LTC4S: variants seen among roughly 807,000 people sequenced by gnomAD.
LTC4S encodes leukotriene C4 synthase, also known as LTC4 synthase.
A neutral mutation model predicts 19.6 loss-of-function variants in LTC4S; 18 were observed. The ratio of observed to expected loss-of-function variants is 0.92; its 90% CI spans 0.64 to 1.36. LTC4S has a LOEUF of 1.36. LTC4S is among the 40% of genes most tolerant of loss of function. LTC4S has a pLI of 0.00. For synonymous variants in LTC4S, 126 were observed against 110.1 expected (o/e 1.14, Z -0.91); for missense variants, 235 against 212.2 (o/e 1.11, Z -0.67).
At chr5:179,795,752 C>G (rs779575455) in intron 2 of LTC4S, 34 bp from the exon 3 acceptor site, 1 of 1,569,090 alleles carries the variant, frequency 6.4e-7, no homozygotes, top group Admixed American at 1.8e-5. Context: ...AGGACCATCC[C>G]GGCCGGCGCG....
intron 1 of LTC4S, 139 bp from the exon 2 acceptor site, chr5:179,795,444 CG>C: frequency 9.3e-7 from 1 of 1,069,838 alleles, no homozygotes; most frequent in East Asian, 2.7e-5. Flanking sequence ...GAGGTCTCCT[CG>C]GGCGGGGAGG....
In LTC4S at chr5:179,796,179, C is replaced by G. The variant is rs976734540; in HGVS notation, c.312-74C>G. 20 of 1,301,378 alleles carry G rather than the reference C, an allele frequency of 1.5e-5. No homozygotes were observed. In the African/African-American group the frequency reaches 2.8e-4, roughly 18 times the overall value. The allele number at this position is 1,301,378 out of a possible 1,614,324, so 80.6% of individuals were successfully genotyped here. On this transcript the variant is annotated intron_variant, in intron 4 of 4. Transcript: ENST00000292596. ...GCCCTGGCGGCGGCCAGAGGAAGTC[C>G]CCGTGGGGCCAGGGTTGCGGCGGGG...
chr5:179,795,292 GCAGGTGTC>G lies in LTC4S; in HGVS notation c.59-290_59-283del, dbSNP rs1251954564. On this transcript the variant is annotated intron_variant, in intron 1 of 4. Transcript: ENST00000292596. ...GGACTCAAGTGGTCTCTCTCGCGGAGCAGGTGTCCCTGTGCCTGAATCACTCACCCTCC... is the reference window on the plus strand; with the variant it reads ...GGACTCAAGTGGTCTCTCTCGCGGAGCCTGTGCCTGAATCACTCACCCTCC... The G allele has an allele frequency of 1.5e-5, 15 of 1,032,722 alleles. No individual in the cohort carries two copies. In the African/African-American group the frequency reaches 2.2e-4, roughly 15 times the overall value. 64.0% of individuals were successfully genotyped at this position (1,032,722 alleles called of 1,614,324 possible).
At chr5:179,795,555 C>T (rs1221683205) in intron 1 of LTC4S, 29 bp from the exon 2 acceptor site, 1 of 1,591,144 alleles carries the variant, frequency 6.3e-7, no homozygotes, top group East Asian at 2.3e-5. Flanking sequence ...GGTGTCCAGA[C>T]CTGACTCCCG....
chr5:179,796,359 C>T lies in LTC4S; in HGVS notation c.418C>T (p.Leu140Phe), dbSNP rs776151785. The change falls in exon 5 of 5, where the codon CTC (leucine) becomes TTC (phenylalanine). Residue 140 changes from leucine to phenylalanine, a missense_variant. Transcript: ENST00000292596. ...CCCGGCCGCGCTGCGCGCCGCGCTC[C>T]TCGGACGGCTCCGGACGCTGCTGCC... is the stretch of plus-strand genomic sequence containing the variant. The part of the protein sequence containing the change: ...FLPAALRAAL[L>F]GRLRTLLPWA 6.0e-6 allele frequency: 9 copies of T among 1,493,506 alleles called. No homozygotes were observed. The highest frequency in any genetic ancestry group is 1.3e-5 in the South Asian group (1 of 79,764). The allele number at this position is 1,493,506 out of a possible 1,614,324, so 92.5% of individuals were successfully genotyped here.
chr5:179,796,091 G>T (rs975964779), intron 4 of LTC4S, 69 bp downstream of exon 4: 6 of 1,390,426 alleles, frequency 4.3e-6, no homozygotes, highest in Non-Finnish European at 4.7e-6. Context: ...CCTGGGGAGC[G>T]GGACCGAAGC....
intron 4 of LTC4S, 27 bp from the exon 5 acceptor site, chr5:179,796,226 C>A: frequency 1.4e-6 from 2 of 1,432,998 alleles, no homozygotes; most frequent in Non-Finnish European, 1.8e-6. Flanking sequence ...CTCCTCGCGC[C>A]ACCTCCCCGC....
intron 1 of LTC4S, among the ~76,000 whole-genome samples, chr5:179,795,030 A>T (rs1350727730): frequency 6.6e-6 from 1 of 152,074 alleles, no homozygotes; most frequent in Non-Finnish European, 1.5e-5. Context: ...AGAGAAACTG[A>T]GGTTTGGAGG....
In LTC4S at chr5:179,794,104, G is replaced by A. The variant is rs75759006; in HGVS notation, c.24G>A (p.Leu8=). Residue 8 remains leucine (L), a synonymous_variant, in exon 1 of 5, where the codon CTG becomes CTA. Transcript: ENST00000292596. ...CCATGAAGGACGAGGTAGCTCTACT[G>A]GCTGCTGTCACCCTCCTGGGAGTCC... MKDEVAL[L]AAVTLLGVLL... is the part of the protein sequence containing the mutation. The A allele has an allele frequency of 4.1e-3, 6,566 of 1,613,650 alleles. 18 individuals carry two copies. Among genetic ancestry groups the A allele is most frequent in the Non-Finnish European group, 4.6e-3 (5,413 of 1,179,986 alleles).
chr5:179,796,560 C>G lies in LTC4S; in HGVS notation c.*166C>G. The stretch of plus-strand genomic sequence containing the variant: ...CGCGGGGGTGGCGCACCGCGGGCTA[C>G]GGAGCCTGGAGGGGCCCAGCCCGAG... On this transcript the variant is annotated 3_prime_UTR_variant, in exon 5 of 5. Transcript: ENST00000292596. The G allele has an allele frequency of 8.8e-7, 1 of 1,142,420 alleles. No homozygotes were observed. The highest frequency in any genetic ancestry group is 1.1e-6 in the Non-Finnish European group (1 of 882,222). 70.8% of individuals were successfully genotyped at this position (1,142,420 alleles called of 1,614,324 possible).
rs1267250621 is a variant in LTC4S at position 179,796,564 on chromosome 5, GC to G, written c.*172del. On this transcript the variant is annotated 3_prime_UTR_variant, in exon 5 of 5. Transcript: ENST00000292596. ...GGGGTGGCGCACCGCGGGCTACGGA[GC>G]CTGGAGGGGCCCAGCCCGAGTCCGG... 8 of 1,066,814 alleles carry G rather than the reference GC, an allele frequency of 7.5e-6. No homozygotes were observed. The highest frequency in any genetic ancestry group is 1.7e-5 in the African/African-American group (1 of 59,548). The allele number at this position is 1,066,814 out of a possible 1,614,324, so 66.1% of individuals were successfully genotyped here. A position where few individuals can be genotyped will look rare whatever the true frequency, so the allele number is the denominator to read the frequency against.
At position 179,796,382 on chromosome 5, in the gene LTC4S, G is replaced by A; in HGVS notation, c.441G>A (p.Leu147=). The A allele has an allele frequency of 6.7e-7, 1 of 1,498,432 alleles. No individual in the cohort carries two copies. Among genetic ancestry groups the A allele is most frequent in the Non-Finnish European group, 8.8e-7 (1 of 1,131,328 alleles). 92.8% of individuals were successfully genotyped at this position (1,498,432 alleles called of 1,614,324 possible). ...TCCTCGGACGGCTCCGGACGCTGCT[G>A]CCGTGGGCCTGAGACCAAGGCCCCC... ...AALLGRLRTL[L]PWA The change falls in exon 5 of 5, where the codon CTG becomes CTA. Residue 147 remains leucine, a synonymous_variant. Coordinates refer to ENST00000292596, the MANE Select transcript of LTC4S (RefSeq NM_145867.2).
chr5:179,795,517 C>T, intron 1 of LTC4S, 67 bp from the exon 2 acceptor site: 3 of 1,540,366 alleles, frequency 1.9e-6, no homozygotes, highest in Non-Finnish European at 1.8e-6. Flanking sequence ...ATTGCAGGAT[C>T]CCTCCCACTC....
In LTC4S at chr5:179,795,870, G is replaced by A. The variant is rs775860886; in HGVS notation, c.229+14G>A. On this transcript the variant is annotated intron_variant, in intron 3 of 4. Transcript: ENST00000292596. ...TCTTTCATGAAGGTCGGGGTGTGGG[G>A]CAGGGGCGCACGCGCTGGACCCCCG... is the stretch of plus-strand genomic sequence containing the variant. The A allele has an allele frequency of 4.4e-6, 7 of 1,603,672 alleles. No individual in the cohort carries two copies. Among genetic ancestry groups the A allele is most frequent in the Admixed American group, 1.7e-5 (1 of 59,588 alleles).
intron 1 of LTC4S, among the ~76,000 whole-genome samples, chr5:179,794,806 A>G (rs540027891): frequency 6.6e-6 from 1 of 152,292 alleles, no homozygotes; most frequent in Non-Finnish European, 1.5e-5. Context: ...GAGGGAGCGC[A>G]CAGCCAGCAC....
chr5:179,794,087 G>A lies in LTC4S; in HGVS notation c.7G>A (p.Asp3Asn), dbSNP rs1562596581. MK[D>N]EVALLAAVTL... is the part of the protein sequence containing the mutation. ...CCACCACACCGACGGTACCATGAAG[G>A]ACGAGGTAGCTCTACTGGCTGCTGT... The change falls in exon 1 of 5, where the codon GAC (aspartate) becomes AAC (asparagine). Residue 3 changes from aspartate to asparagine, a missense_variant. By Grantham distance (23) the Asp-to-Asn change is conservative. Transcript: ENST00000292596. 1 of 1,613,738 alleles carries A rather than the reference G, an allele frequency of 6.2e-7. No individual in the cohort carries two copies. The highest frequency in any genetic ancestry group is 8.5e-7 in the Non-Finnish European group (1 of 1,179,990).
chr5:179,795,831 G>T lies in LTC4S; in HGVS notation c.204G>T (p.Trp68Cys). The T allele has an allele frequency of 6.2e-7, 1 of 1,606,972 alleles. No homozygotes were observed. ...EYFPLFLATL[W>C]VAGIFFHEGA... ...TCCCGCTGTTCCTCGCCACGCTCTG[G>T]GTCGCCGGCATCTTCTTTCATGAAG... Residue 68 changes from tryptophan (W) to cysteine (C), a missense_variant, in exon 3 of 5, where the codon TGG becomes TGT. Trp to Cys is a radical substitution (Grantham distance 215). Coordinates refer to ENST00000292596, the MANE Select transcript of LTC4S (RefSeq NM_145867.2).
chr5:179,796,341 G>C lies in LTC4S; in HGVS notation c.400G>C (p.Ala134Pro). Reference sequence around the variant, plus strand: ...CCTGCTCGCCCACTTCCTCCCGGCCGCGCTGCGCGCCGCGCTCCTCGGACG... The same window carrying C: ...CCTGCTCGCCCACTTCCTCCCGGCCCCGCTGCGCGCCGCGCTCCTCGGACG... ...LGLLAHFLPA[A>P]LRAALLGRLR... Residue 134 changes from alanine (A) to proline (P), a missense_variant, in exon 5 of 5, where the codon GCG becomes CCG. Coordinates refer to ENST00000292596, the MANE Select transcript of LTC4S (RefSeq NM_145867.2). 6.7e-7 allele frequency: 1 copy of C among 1,489,362 alleles called. No individual in the cohort carries two copies. The highest frequency in any genetic ancestry group is 1.3e-5 in the South Asian group (1 of 79,314). The allele number at this position is 1,489,362 out of a possible 1,614,324, so 92.3% of individuals were successfully genotyped here. A position where few individuals can be genotyped will look rare whatever the true frequency, so the allele number is the denominator to read the frequency against.
At chr5:179,796,202 G>C in intron 4 of LTC4S, 51 bp from the exon 5 acceptor site, 1 of 1,365,544 alleles carries the variant, frequency 7.3e-7, no homozygotes, top group Non-Finnish European at 9.6e-7. Flanking sequence ...GGTTGCGGCG[G>C]GGAAGAAGCG....
Sources: allele counts gnomAD v4.1 joint callset (sites outside exome capture counted in the v4.1 genomes callset), GRCh38; gene constraint gnomAD v4.1.1; transcripts MANE v1.5; gene names NCBI Gene and HGNC (gene_info 2026-07-23, HGNC 2026-07-21).